LCORL: variants seen among roughly 807,000 people sequenced by gnomAD.
LCORL encodes the protein ligand dependent nuclear receptor corepressor like, also known as ligand-dependent nuclear receptor corepressor-like protein.
Under a neutral mutation model 141.8 loss-of-function variants are expected in LCORL, and 41 were observed. The observed-to-expected ratio is 0.29, with a 90% CI of 0.23 to 0.38. The LOEUF (loss-of-function observed/expected upper bound fraction) is 0.38. Among genes scored for constraint, LCORL ranks in the 10% least tolerant of loss-of-function variants. The pLI is 1.00. For synonymous variants in LCORL, 618 were observed against 694.1 expected, an observed-to-expected ratio of 0.89 and a Z score of 1.72; for missense variants, 1,759 against 2,035.0, an observed-to-expected ratio of 0.86 and a Z score of 2.61.
At chr4:17,931,116 A>G (rs2109421256) in intron 4 of LCORL, among the ~76,000 whole-genome samples, 1 of 152,268 alleles carries the variant, frequency 6.6e-6, no homozygotes, top group South Asian at 2.1e-4. Flanking sequence ...AAATCTTATC[A>G]TTTTTAAAAT....
At chr4:17,992,586 G>C (rs1309856004) in intron 1 of LCORL, among the ~76,000 whole-genome samples, 1 of 152,098 alleles carries the variant, frequency 6.6e-6, no homozygotes, top group Non-Finnish European at 1.5e-5. Flanking sequence ...TCTTTGAACA[G>C]ATTCTTGAGT....
At chr4:17,979,512 C>T (rs751717446) in intron 1 of LCORL, among the ~76,000 whole-genome samples, 3 of 152,138 alleles carry the variant, frequency 2.0e-5, no homozygotes, top group Non-Finnish European at 4.4e-5. Flanking sequence ...TACAGATATT[C>T]AGGTCTATAA....
exon 8 of LCORL, chr4:17,844,151 A>G (rs1722698833): frequency 2.0e-5 from 3 of 152,056 alleles, no homozygotes; most frequent in Admixed American, 2.0e-4. Context: ...TACTGTGGAT[A>G]ATAATTCTAG....
At chr4:17,947,864 A>G (rs958354092) in intron 4 of LCORL, among the ~76,000 whole-genome samples, 2 of 151,956 alleles carry the variant, frequency 1.3e-5, no homozygotes, top group African/African-American at 4.8e-5. Flanking sequence ...TGCATATACA[A>G]TGTGTTACAG....
chr4:17,932,229 G>C (rs188111318), intron 4 of LCORL, among the ~76,000 whole-genome samples: 1 of 152,210 alleles, frequency 6.6e-6, no homozygotes, highest in Non-Finnish European at 1.5e-5. Flanking sequence ...CTGGACATCT[G>C]TTTAACAGGG....
intron 1 of LCORL, among the ~76,000 whole-genome samples, chr4:18,006,138 A>C (rs112743014): frequency 0.19 from 28,623 of 152,020 alleles, 3,473 homozygotes; most frequent in East Asian, 0.46. Context: ...AGATACCCTA[A>C]ATCATCTCTG....
At chr4:17,968,564 T>C (rs1373681471) in intron 2 of LCORL, among the ~76,000 whole-genome samples, 3 of 152,332 alleles carry the variant, frequency 2.0e-5, no homozygotes, top group Non-Finnish European at 2.9e-5. Flanking sequence ...TTAAGCCAAG[T>C]ATATTAAATT....
At chr4:17,946,377 A>G (rs927526217) in intron 4 of LCORL, among the ~76,000 whole-genome samples, 1 of 152,048 alleles carries the variant, frequency 6.6e-6, no homozygotes, top group Non-Finnish European at 1.5e-5. Context: ...TGTAATGTGT[A>G]TAAACATGCA....
At chr4:17,931,195 C>T (rs1169524238) in intron 4 of LCORL, among the ~76,000 whole-genome samples, 1 of 152,006 alleles carries the variant, frequency 6.6e-6, no homozygotes, top group Non-Finnish European at 1.5e-5. Flanking sequence ...CTCTATTACC[C>T]CCTCTCCTCC....
intron 1 of LCORL, among the ~76,000 whole-genome samples, chr4:17,989,434 G>C (rs1166162159): frequency 6.6e-6 from 1 of 152,052 alleles, no homozygotes; most frequent in Non-Finnish European, 1.5e-5. Context: ...CAGTGTCAAG[G>C]GCAAAATATT....
chr4:17,873,630 G>T, exon 7 of LCORL: 2 of 1,233,834 alleles, frequency 1.6e-6, no homozygotes, highest in Non-Finnish European at 2.0e-6. Flanking sequence ...TATTTCTTTA[G>T]ATTGCTTTTT....
chr4:17,902,091 TGA>T (rs1444111931), intron 5 of LCORL, among the ~76,000 whole-genome samples: 1 of 152,092 alleles, frequency 6.6e-6, no homozygotes, highest in African/African-American at 2.4e-5. Flanking sequence ...TCTGAGGTTC[TGA>T]GAGTGTATGA....
intron 1 of LCORL, among the ~76,000 whole-genome samples, chr4:18,004,467 T>C (rs1437302432): frequency 1.3e-5 from 2 of 152,084 alleles, no homozygotes; most frequent in African/African-American, 4.8e-5. Context: ...TTTAAAACCG[T>C]CCGATCTCAT....
chr4:17,942,211 T>C (rs1738088108), intron 4 of LCORL, among the ~76,000 whole-genome samples: 1 of 151,994 alleles, frequency 6.6e-6, no homozygotes. Context: ...GACAATAGAG[T>C]GAAACCCAAA....
chr4:17,980,785 C>T (rs995122905), intron 1 of LCORL, among the ~76,000 whole-genome samples: 2 of 152,168 alleles, frequency 1.3e-5, no homozygotes, highest in African/African-American at 2.4e-5. Context: ...GCGAGCATTA[C>T]CTCCTGAGCT....
intron 5 of LCORL, among the ~76,000 whole-genome samples, chr4:17,901,386 TAAA>T: frequency 7.1e-6 from 1 of 141,050 alleles, no homozygotes; most frequent in East Asian, 2.1e-4. Flanking sequence ...GAAAATGAAA[TAAA>T]AAAAAAAACA....
chr4:17,880,458 CAT>C, intron 6 of LCORL: 1 of 932,208 alleles, frequency 1.1e-6, no homozygotes, highest in Non-Finnish European at 1.3e-6. Context: ...ATAAACCAAA[CAT>C]ACTGCCTATT....
chr4:17,883,817 G>A lies in LCORL; in HGVS notation c.776+2251C>T, dbSNP rs1727929613. 6.4e-7 allele frequency: 1 copy of A among 1,550,496 alleles called. No individual in the cohort carries two copies. On this transcript the variant is annotated intron_variant, in intron 6 of 7. Coordinates refer to ENST00000635767, the Ensembl canonical transcript of LCORL. Reference sequence around the variant, plus strand: ...TAATCGTAGTTTCTTCTTCGGAGGAGTCTTCAGTGTTCCAGATCTTTCTTT... The same window carrying A: ...TAATCGTAGTTTCTTCTTCGGAGGAATCTTCAGTGTTCCAGATCTTTCTTT...
intron 1 of LCORL, among the ~76,000 whole-genome samples, chr4:17,984,180 T>G (rs908945694): frequency 6.6e-6 from 1 of 152,212 alleles, no homozygotes; most frequent in Non-Finnish European, 1.5e-5. Flanking sequence ...CAGTATTTTG[T>G]TGAGGATTTT....
Sources: gnomAD v4.1 joint callset for allele counts (sites outside exome capture counted in the v4.1 genomes callset) on GRCh38, gnomAD v4.1.1 for gene constraint, MANE v1.5 for transcripts, NCBI Gene and HGNC (gene_info 2026-07-23, HGNC 2026-07-21) for gene names.